The following NUP93 variants were observed in gnomAD, a reference collection of about 807,000 sequenced individuals.
NUP93 encodes nuclear pore complex protein Nup93.
Under a neutral mutation model 107.8 loss-of-function variants are expected in NUP93, and 55 were observed. The observed-to-expected ratio is 0.51, with a 90% CI of 0.41 to 0.64. The LOEUF (loss-of-function observed/expected upper bound fraction) is 0.64. Ranked by LOEUF, NUP93 falls within the 30% of genes least tolerant of loss-of-function variation. The probability of loss-of-function intolerance (pLI) is 0.00; values close to 1 mark genes in which losing one functional copy is unlikely to be tolerated. For synonymous variants in NUP93, 390 were observed against 397.5 expected (o/e 0.98, Z 0.22); for missense variants, 937 against 1,044.7 (o/e 0.90, Z 1.42).
chr16:56,822,627 C>T (rs1292520574), intron 7 of NUP93, among the ~76,000 whole-genome samples: 2 of 131,536 alleles, frequency 1.5e-5, no homozygotes, highest in Non-Finnish European at 3.1e-5. Flanking sequence ...ATAATGAGAT[C>T]TGGGCTCACT....
chr16:56,830,447 G>A, intron 9 of NUP93, 81 bp from the exon 10 acceptor site: 1 of 1,334,886 alleles, frequency 7.5e-7, no homozygotes, highest in Non-Finnish European at 1.0e-6. Context: ...TAAAGGAGAG[G>A]GGCTTAGCTC....
chr16:56,740,132 C>CA (rs1291210989), intron 1 of NUP93, among the ~76,000 whole-genome samples: 1 of 131,436 alleles, frequency 7.6e-6, no homozygotes, highest in Admixed American at 8.0e-5. Context: ...GGCTGACCCC[C>CA]CCACCTCCCT....
At chr16:56,731,693 G>GGT (rs1251413155) in intron 1 of NUP93, among the ~76,000 whole-genome samples, 2 of 152,086 alleles carry the variant, frequency 1.3e-5, no homozygotes, top group Non-Finnish European at 1.5e-5. Context: ...TTACAGGTGT[G>GGT]GGCCACCACA....
At chr16:56,823,324 C>T (rs1162085620) in intron 7 of NUP93, among the ~76,000 whole-genome samples, 1 of 152,180 alleles carries the variant, frequency 6.6e-6, no homozygotes, top group East Asian at 1.9e-4. Context: ...TGAAATGCAG[C>T]TCTTTGAGTT....
intron 3 of NUP93, among the ~76,000 whole-genome samples, chr16:56,788,119 C>T (rs1377996489): frequency 6.6e-6 from 1 of 152,226 alleles, no homozygotes; most frequent in African/African-American, 2.4e-5. Context: ...TCCCTGCTTT[C>T]TCTCCTGGGG....
At chr16:56,788,019 C>T (rs1235820584) in intron 3 of NUP93, among the ~76,000 whole-genome samples, 1 of 152,174 alleles carries the variant, frequency 6.6e-6, no homozygotes, top group Non-Finnish European at 1.5e-5. Flanking sequence ...ACCATTTTCT[C>T]CTCCAAATCC....
chr16:56,742,479 G>A (rs1233242199), intron 1 of NUP93, among the ~76,000 whole-genome samples: 1 of 152,230 alleles, frequency 6.6e-6, no homozygotes, highest in Non-Finnish European at 1.5e-5. Flanking sequence ...CATGATTAAT[G>A]TTTTATTAAA....
At chr16:56,787,786 AT>A (rs1330749782) in intron 3 of NUP93, among the ~76,000 whole-genome samples, 2 of 152,176 alleles carry the variant, frequency 1.3e-5, no homozygotes, top group African/African-American at 4.8e-5. Context: ...GGATTAATGC[AT>A]TTCCAAGGTG....
At chr16:56,756,923 TG>T in intron 2 of NUP93, among the ~76,000 whole-genome samples, 1 of 152,204 alleles carries the variant, frequency 6.6e-6, no homozygotes, top group African/African-American at 2.4e-5. Context: ...ATATGTTTGT[TG>T]GCTGCATAAA....
At chr16:56,821,751 T>C (rs539953732) in intron 7 of NUP93, among the ~76,000 whole-genome samples, 158 bp downstream of exon 7, 2 of 152,226 alleles carry the variant, frequency 1.3e-5, no homozygotes. Flanking sequence ...TTTGGGTGGT[T>C]TTCTTGATGA....
intron 1 of NUP93, among the ~76,000 whole-genome samples, chr16:56,742,149 C>T (rs1291642043): frequency 6.6e-6 from 1 of 152,220 alleles, no homozygotes; most frequent in African/African-American, 2.4e-5. Flanking sequence ...ATGGGACAGG[C>T]ATCATCATTT....
chr16:56,832,033 T>C (rs768340978), intron 11 of NUP93, 26 bp downstream of exon 11: 28 of 1,612,948 alleles, frequency 1.7e-5, no homozygotes, highest in African/African-American at 5.3e-5. Flanking sequence ...CCTGCCCACA[T>C]AGGGCTTTAC....
chr16:56,842,734 A>T, intron 21 of NUP93: 1 of 373,986 alleles, frequency 2.7e-6, no homozygotes, highest in Non-Finnish European at 5.3e-6. Flanking sequence ...TGTACTTTAT[A>T]TAGAGATGGA....
chr16:56,817,815 A>G (rs1351073970), intron 5 of NUP93, among the ~76,000 whole-genome samples: 3 of 152,186 alleles, frequency 2.0e-5, no homozygotes, highest in African/African-American at 7.2e-5. Flanking sequence ...CAGTATAGTA[A>G]TATGTTGTAC....
rs56395453 is a variant in NUP93, at chr16:56,822,564, C to CTTTT, written c.654+981_654+984dup. On this transcript the variant is annotated intron_variant, in intron 7 of 21. Transcript: ENST00000308159. Reference sequence around the variant, plus strand: ...TTCTTTTCTTTCTTTCTTTTCTTTTCTTTTTTTTTTTTTGAGTTGAAGTTT... The same window carrying CTTTT: ...TTCTTTTCTTTCTTTCTTTTCTTTTCTTTTTTTTTTTTTTTTTGAGTTGAAGTTT... Among the ~76,000 whole-genome samples, 45 of 126,966 alleles carry CTTTT rather than the reference C, an allele frequency of 3.5e-4. No individual in the cohort carries two copies. The South Asian group carries it at 5.8e-3, about 16-fold the overall frequency. The allele number at this position is 126,966 out of a possible 152,430, so 83.3% of individuals were successfully genotyped here. A position where few individuals can be genotyped will look rare whatever the true frequency, so the allele number is the denominator to read the frequency against.
chr16:56,837,948 TG>T (rs1288352136), intron 18 of NUP93, among the ~76,000 whole-genome samples: 3 of 152,230 alleles, frequency 2.0e-5, no homozygotes, highest in African/African-American at 7.2e-5. Flanking sequence ...GCCAAAGAAA[TG>T]GGTATGAAAG....
chr16:56,740,587 G>A (rs868846448), intron 1 of NUP93: 495 of 185,434 alleles, frequency 2.7e-3, no homozygotes, highest in African/African-American at 0.011. Context: ...GACGATGGGC[G>A]GCCAGGCAGA....
chr16:56,798,831 C>T (rs1962956665), intron 4 of NUP93, among the ~76,000 whole-genome samples: 1 of 149,940 alleles, frequency 6.7e-6, no homozygotes, highest in Admixed American at 6.7e-5. Flanking sequence ...CGCCACTGCA[C>T]TTCATCCTGG....
chr16:56,833,181 T>C (rs952351959), intron 12 of NUP93, 34 bp from the exon 13 acceptor site: 5 of 1,559,228 alleles, frequency 3.2e-6, no homozygotes, highest in African/African-American at 1.4e-5. Flanking sequence ...TCTTTCTAAG[T>C]TGGTTTTATC....
Sources: allele counts gnomAD v4.1 joint callset (sites outside exome capture counted in the v4.1 genomes callset), GRCh38; gene constraint gnomAD v4.1.1; transcripts MANE v1.5; gene names NCBI Gene and HGNC (gene_info 2026-07-23, HGNC 2026-07-21).